PRCP: variants seen among roughly 807,000 people sequenced by gnomAD.
PRCP encodes the protein lysosomal Pro-X carboxypeptidase.
A neutral mutation model predicts 54.2 loss-of-function variants in PRCP; 46 were observed. That is an observed-to-expected ratio of 0.85 (90% CI 0.67 to 1.09). PRCP has a LOEUF of 1.09. Among genes scored for constraint, PRCP ranks in the 50% least tolerant of loss-of-function variants. The pLI is 0.00. For missense variants in PRCP, 613 were observed against 596.8 expected, an observed-to-expected ratio of 1.03 and a Z score of -0.28; for synonymous variants, 240 against 212.2, an observed-to-expected ratio of 1.13 and a Z score of -1.14.
intron 1 of PRCP, among the ~76,000 whole-genome samples, chr11:82,885,638 G>T (rs1240498517): frequency 6.6e-6 from 1 of 152,174 alleles, no homozygotes; most frequent in Admixed American, 6.5e-5. Context: ...TAGTTCATCA[G>T]ATTTGACTCC....
At chr11:82,890,083 T>C (rs1412082068) in intron 1 of PRCP, among the ~76,000 whole-genome samples, 1 of 152,118 alleles carries the variant, frequency 6.6e-6, no homozygotes, top group African/African-American at 2.4e-5. Flanking sequence ...ATTCACCAAC[T>C]CCACAGCCAT....
At chr11:82,852,032 C>CA (rs1858970984) in intron 3 of PRCP, among the ~76,000 whole-genome samples, 1 of 152,146 alleles carries the variant, frequency 6.6e-6, no homozygotes. Flanking sequence ...AGAAGTATAT[C>CA]AAAAAGAGCC....
At chr11:82,874,020 C>T (rs78274131) in intron 1 of PRCP, among the ~76,000 whole-genome samples, 4,144 of 152,264 alleles carry the variant, frequency 0.027, 182 homozygotes, top group African/African-American at 0.093. Flanking sequence ...ACTCTACAGA[C>T]TATTCATTGT....
At chr11:82,879,487 C>A (rs1392992408) in intron 1 of PRCP, among the ~76,000 whole-genome samples, 1 of 152,202 alleles carries the variant, frequency 6.6e-6, no homozygotes, top group African/African-American at 2.4e-5. Context: ...CCTCCTTTAG[C>A]TCAGAGAAGT....
intron 1 of PRCP, chr11:82,885,030 G>C: frequency 1.6e-6 from 2 of 1,273,822 alleles, no homozygotes; most frequent in Non-Finnish European, 2.1e-6. Flanking sequence ...TCAGCAATTT[G>C]TTCTGAGTGG....
intron 1 of PRCP, chr11:82,899,869 C>T (rs959669536): frequency 2.7e-5 from 6 of 218,700 alleles, no homozygotes; most frequent in Non-Finnish European, 5.5e-5. Context: ...CAAAGGATGA[C>T]TATCACCGCA....
chr11:82,869,222 G>T (rs937094008), intron 1 of PRCP, among the ~76,000 whole-genome samples: 1 of 151,786 alleles, frequency 6.6e-6, no homozygotes, highest in African/African-American at 2.4e-5. Flanking sequence ...CGGGTGTGGT[G>T]GTACATGCCT....
chr11:82,849,319 T>C, intron 5 of PRCP, 101 bp from the exon 6 acceptor site: 1 of 1,256,920 alleles, frequency 8.0e-7, no homozygotes, highest in Non-Finnish European at 1.1e-6. Context: ...AACTCAATCT[T>C]TTATACCCCT....
chr11:82,833,954 T>C (rs760625909), intron 8 of PRCP, among the ~76,000 whole-genome samples: 4 of 152,144 alleles, frequency 2.6e-5, no homozygotes, highest in South Asian at 2.1e-4. Flanking sequence ...TCTCCAATGA[T>C]GATGATAATA....
Position 82,900,388 on chromosome 11 carries a change from G to A in PRCP, c.15C>T (p.Ala5=). 6 of 1,613,686 alleles carry A rather than the reference G, an allele frequency of 3.7e-6. No individual in the cohort carries two copies. Among genetic ancestry groups the A allele is most frequent in the Non-Finnish European group, 5.1e-6 (6 of 1,179,862 alleles). ...GAAAAGACAGAAGCAGGAGCAGGAG[G>A]GCTCGGCGGCCCATGGCTCAGGCTG... is the stretch of plus-strand genomic sequence containing the variant. The part of the protein sequence containing the change: MGRR[A]LLLLLLSFLA... Residue 5 remains alanine, a synonymous_variant, in exon 1 of 9, where the codon GCC becomes GCT. Coordinates refer to ENST00000313010, the MANE Select transcript of PRCP (RefSeq NM_005040.4).
intron 1 of PRCP, among the ~76,000 whole-genome samples, chr11:82,877,014 C>T (rs1360081505): frequency 1.3e-5 from 2 of 152,182 alleles, no homozygotes; most frequent in Non-Finnish European, 2.9e-5. Context: ...CAACAAGGTC[C>T]AGGCTGAGGT....
Position 82,838,471 on chromosome 11 carries a change from T to C in PRCP, c.1190A>G (p.Gln397Arg). 6.2e-7 allele frequency: 1 copy of C among 1,614,138 alleles called. No individual in the cohort carries two copies. Among genetic ancestry groups the C allele is most frequent in the South Asian group, 1.1e-5 (1 of 91,078 alleles). The change falls in exon 8 of 9, where the codon CAG becomes CGG. Residue 397 changes from glutamine to arginine, a missense_variant. By Grantham distance (43) the Gln-to-Arg change is conservative. Coordinates refer to ENST00000313010, the MANE Select transcript of PRCP (RefSeq NM_005040.4). ...LKELSDDCFQQWGVRPRPSWI... is the reference protein window; with the variant it reads ...LKELSDDCFQRWGVRPRPSWI... Reference sequence around the variant, plus strand: ...GGAGGGCCTTGGTCTCACACCCCACTGTTGAAAACAGTCATCAGAAAGTTC... The same window carrying C: ...GGAGGGCCTTGGTCTCACACCCCACCGTTGAAAACAGTCATCAGAAAGTTC...
At chr11:82,899,118 G>A (rs1339742829) in intron 1 of PRCP, among the ~76,000 whole-genome samples, 1 of 152,224 alleles carries the variant, frequency 6.6e-6, no homozygotes, top group Non-Finnish European at 1.5e-5. Flanking sequence ...CAACACTTTG[G>A]GAGGCTGATG....
chr11:82,866,199 T>C (rs761491270), intron 1 of PRCP, among the ~76,000 whole-genome samples: 15 of 152,184 alleles, frequency 9.9e-5, no homozygotes, highest in Non-Finnish European at 2.1e-4. Context: ...CTTAAAGAAT[T>C]AAAGAGGAAA....
intron 1 of PRCP, among the ~76,000 whole-genome samples, chr11:82,897,325 T>C (rs1852466862): frequency 6.6e-6 from 1 of 152,246 alleles, no homozygotes. Context: ...AATTAAATGA[T>C]GGTAGCCTTT....
chr11:82,830,711 T>C (rs1486898278), intron 8 of PRCP: 4 of 148,662 alleles, frequency 2.7e-5, no homozygotes, highest in African/African-American at 7.5e-5. Context: ...GGAACACTCA[T>C]GTAAAATAGA....
intron 8 of PRCP, among the ~76,000 whole-genome samples, chr11:82,833,007 C>T (rs565603868): frequency 6.6e-6 from 1 of 152,352 alleles, no homozygotes; most frequent in South Asian, 2.1e-4. Flanking sequence ...AGACTTGCCA[C>T]TGCTAAAAGA....
intron 2 of PRCP, among the ~76,000 whole-genome samples, chr11:82,859,511 G>A (rs942679454): frequency 2.6e-5 from 4 of 151,896 alleles, no homozygotes; most frequent in African/African-American, 7.3e-5. Flanking sequence ...TTACCTTCTA[G>A]AGACCATAAT....
chr11:82,830,687 G>A (rs369453054), intron 8 of PRCP: 84 of 111,572 alleles, frequency 7.5e-4, no homozygotes, highest in African/African-American at 2.7e-3. Flanking sequence ...TTTTGGTTTT[G>A]TTAAAAACAA....
Sources: allele counts gnomAD v4.1 joint callset (sites outside exome capture counted in the v4.1 genomes callset), GRCh38; gene constraint gnomAD v4.1.1; transcripts MANE v1.5; gene names NCBI Gene and HGNC (gene_info 2026-07-23, HGNC 2026-07-21).